ITSN1: variants seen among roughly 807,000 people sequenced by gnomAD.
ITSN1 encodes the protein intersectin-1.
ITSN1 carries 58 observed loss-of-function variants against 239.8 expected under a neutral mutation model. The ratio of observed to expected loss-of-function variants is 0.24; its 90% CI spans 0.20 to 0.30. The LOEUF is 0.30. Ranked by LOEUF, ITSN1 falls within the 10% of genes least tolerant of loss-of-function variation. ITSN1 has a pLI of 1.00. For synonymous variants in ITSN1, 780 were observed against 770.8 expected (o/e 1.01, Z -0.20); for missense variants, 1,558 against 2,103.3 (o/e 0.74, Z 5.07).
chr21:33,651,030 G>A (rs1488929407), intron 1 of ITSN1, among the ~76,000 whole-genome samples: 3 of 152,252 alleles, frequency 2.0e-5, no homozygotes, highest in African/African-American at 2.4e-5. Context: ...GGAGTGTATC[G>A]CTGTTGTCCA....
intron 16 of ITSN1, among the ~76,000 whole-genome samples, chr21:33,784,310 A>ACAC (rs2070450206): frequency 1.5e-5 from 2 of 134,110 alleles, no homozygotes; most frequent in African/African-American, 5.6e-5. Flanking sequence ...GTCTCTACAA[A>ACAC]ACACACACAC....
At chr21:33,650,772 T>C (rs962578863) in intron 1 of ITSN1, among the ~76,000 whole-genome samples, 4 of 152,194 alleles carry the variant, frequency 2.6e-5, no homozygotes, top group Admixed American at 2.6e-4. Context: ...GTGCCATTCT[T>C]GGTATATAGC....
chr21:33,751,705 A>G (rs993635200), intron 6 of ITSN1, 105 bp from the exon 7 acceptor site: 5 of 839,542 alleles, frequency 6.0e-6, no homozygotes, highest in Non-Finnish European at 9.7e-6. Flanking sequence ...AGAAGGGGGA[A>G]TTATTTCTGC....
At chr21:33,786,626 A>G (rs2070702236) in intron 16 of ITSN1, among the ~76,000 whole-genome samples, 1 of 152,196 alleles carries the variant, frequency 6.6e-6, no homozygotes, top group African/African-American at 2.4e-5. Context: ...CTTAGCTCTA[A>G]GATGGAGCAG....
intron 11 of ITSN1, among the ~76,000 whole-genome samples, chr21:33,768,787 G>T (rs2068903469): frequency 6.6e-6 from 1 of 152,152 alleles, no homozygotes; most frequent in Non-Finnish European, 1.5e-5. Flanking sequence ...TCAGAACACT[G>T]GCTGTCCCAG....
At chr21:33,819,410 T>C (rs2073505571) in intron 24 of ITSN1, 87 bp downstream of exon 24, 2 of 924,432 alleles carry the variant, frequency 2.2e-6, no homozygotes, top group Non-Finnish European at 3.5e-6. Context: ...CATCTTAAGA[T>C]AGACTGCATT....
intron 16 of ITSN1, among the ~76,000 whole-genome samples, chr21:33,790,522 A>G (rs2071037025): frequency 6.6e-6 from 1 of 152,060 alleles, no homozygotes; most frequent in Non-Finnish European, 1.5e-5. Flanking sequence ...AAAGTTGTAC[A>G]CTCCGTACTA....
intron 1 of ITSN1, among the ~76,000 whole-genome samples, chr21:33,673,500 TAAAC>T (rs1322364191): frequency 2.0e-5 from 3 of 152,180 alleles, no homozygotes; most frequent in African/African-American, 4.8e-5. Flanking sequence ...AATTATACAA[TAAAC>T]AAAGAAGAGG....
intron 33 of ITSN1, among the ~76,000 whole-genome samples, chr21:33,872,346 T>C (rs1982888309): frequency 6.6e-6 from 1 of 152,200 alleles, no homozygotes; most frequent in Admixed American, 6.5e-5. Context: ...TTAGACGCAT[T>C]GTGCTCAATA....
chr21:33,650,974 G>T (rs184032722), intron 1 of ITSN1, among the ~76,000 whole-genome samples: 113 of 152,374 alleles, frequency 7.4e-4, no homozygotes, highest in African/African-American at 2.6e-3. Flanking sequence ...ACAGGAGGAA[G>T]AAACTTGGTA....
intron 20 of ITSN1, among the ~76,000 whole-genome samples, chr21:33,810,698 G>A (rs1024577689): frequency 1.3e-5 from 2 of 152,100 alleles, no homozygotes; most frequent in Non-Finnish European, 2.9e-5. Flanking sequence ...ACATGCCTCA[G>A]GACTCCAGGC....
At chr21:33,812,113 G>T (rs571398063) in intron 21 of ITSN1, among the ~76,000 whole-genome samples, 57 of 152,258 alleles carry the variant, frequency 3.7e-4, no homozygotes, top group African/African-American at 1.3e-3. Flanking sequence ...AAGGCTGAAG[G>T]CGCTAAAGAA....
Position 33,856,721 on chromosome 21 carries a change from G to C in ITSN1, c.3662-15G>C. The C allele has an allele frequency of 4.3e-6, 7 of 1,612,312 alleles. No homozygotes were observed. The highest frequency in any genetic ancestry group is 5.9e-6 in the Non-Finnish European group (7 of 1,178,872). ...CAGACTGTGCTAAGTTCTCCCAAAT[G>C]GTTGTGTTTTCCAGGGTGTTCAGAC... On this transcript the variant is annotated splice_polypyrimidine_tract_variant and intron_variant, in intron 29 of 39. Coordinates refer to ENST00000381318, the MANE Select transcript of ITSN1 (RefSeq NM_003024.3).
In ITSN1 at chr21:33,751,823, A is replaced by G. The variant is rs2067575904; in HGVS notation, c.540A>G (p.Pro180=). Residue 180 remains proline, a synonymous_variant, in exon 7 of 40, where the codon CCA becomes CCG. Transcript: ENST00000381318. ...TTATTTTTACAGCAGCCACATTGCC[A>G]AAGAGTTCTTCCTTTAGTAGATCTG... ...PAFAHPAATL[P]KSSSFSRSGP... is the part of the protein sequence containing the mutation. 6.2e-7 allele frequency: 1 copy of G among 1,610,120 alleles called. No individual in the cohort carries two copies. Among genetic ancestry groups the G allele is most frequent in the Non-Finnish European group, 8.5e-7 (1 of 1,176,612 alleles).
chr21:33,668,031 C>A (rs1018290554), intron 1 of ITSN1, among the ~76,000 whole-genome samples: 1 of 152,098 alleles, frequency 6.6e-6, no homozygotes, highest in African/African-American at 2.4e-5. Context: ...TGGTCCAGTT[C>A]GAAAGTTGGA....
chr21:33,825,144 A>G (rs1250929423), intron 25 of ITSN1, among the ~76,000 whole-genome samples: 4 of 152,236 alleles, frequency 2.6e-5, no homozygotes, highest in Non-Finnish European at 2.9e-5. Flanking sequence ...TTAATAAGTT[A>G]CAGTTTTCTA....
intron 1 of ITSN1, among the ~76,000 whole-genome samples, chr21:33,660,949 GA>G (rs2089503415): frequency 6.6e-6 from 1 of 152,126 alleles, no homozygotes. Context: ...TACAAATGTT[GA>G]CACATTTCAT....
At chr21:33,771,188 G>A (rs1188853299) in intron 11 of ITSN1, among the ~76,000 whole-genome samples, 1 of 152,190 alleles carries the variant, frequency 6.6e-6, no homozygotes, top group Non-Finnish European at 1.5e-5. Context: ...TACAGTACGT[G>A]AAGGAAGTCT....
intron 1 of ITSN1, among the ~76,000 whole-genome samples, chr21:33,702,397 G>A (rs1340851687): frequency 3.9e-5 from 6 of 152,106 alleles, no homozygotes; most frequent in Non-Finnish European, 8.8e-5. Context: ...GTTTACAGGC[G>A]TGAGCCACCG....
Sources: allele counts gnomAD v4.1 joint callset (sites outside exome capture counted in the v4.1 genomes callset), GRCh38; gene constraint gnomAD v4.1.1; transcripts MANE v1.5; gene names NCBI Gene and HGNC (gene_info 2026-07-23, HGNC 2026-07-21).